The following ZFAND1 variants were observed in gnomAD, a reference collection of about 807,000 sequenced individuals.
The protein encoded by ZFAND1 is zinc finger AN1-type containing 1.
A neutral mutation model predicts 38.5 loss-of-function variants in ZFAND1; 40 were observed. That is an observed-to-expected ratio of 1.04 (90% CI 0.81 to 1.35). ZFAND1 has a LOEUF of 1.35. ZFAND1 is among the 40% of genes most tolerant of loss of function. The pLI is 0.00. For synonymous variants in ZFAND1, 117 were observed against 103.6 expected, an observed-to-expected ratio of 1.13 and a Z score of -0.78; for missense variants, 346 against 316.3, an observed-to-expected ratio of 1.09 and a Z score of -0.71.
intron 6 of ZFAND1, among the ~76,000 whole-genome samples, chr8:81,709,567 C>T (rs546837850): frequency 1.3e-5 from 2 of 152,042 alleles, no homozygotes; most frequent in South Asian, 2.1e-4. Flanking sequence ...GATATACACA[C>T]ACATATAACA....
intron 1 of ZFAND1, among the ~76,000 whole-genome samples, chr8:81,720,353 C>G (rs1293398069): frequency 6.6e-6 from 1 of 152,214 alleles, no homozygotes; most frequent in Non-Finnish European, 1.5e-5. Context: ...AACTAATTCT[C>G]TCTAAAATGC....
intron 6 of ZFAND1, among the ~76,000 whole-genome samples, chr8:81,711,398 C>A (rs1012507053): frequency 6.6e-6 from 1 of 152,038 alleles, no homozygotes; most frequent in Non-Finnish European, 1.5e-5. Context: ...GGCGACAGAG[C>A]AAGACTCTGT....
intron 1 of ZFAND1, among the ~76,000 whole-genome samples, chr8:81,719,356 A>ACACACACACACACACACAC (rs1563611539): frequency 1.8e-4 from 10 of 55,082 alleles, no homozygotes; most frequent in African/African-American, 7.4e-4. Flanking sequence ...CACACACACA[A>ACACACACACACACACACAC]ATTAGCTGGG....
At chr8:81,714,067 A>C in intron 5 of ZFAND1, 28 bp from the exon 6 acceptor site, 7 of 1,558,184 alleles carry the variant, frequency 4.5e-6, no homozygotes, top group Non-Finnish European at 6.0e-6. Context: ...GTAATCACAT[A>C]AAACTTTCAC....
chr8:81,718,038 G>T, intron 2 of ZFAND1, 144 bp downstream of exon 2: 1 of 533,800 alleles, frequency 1.9e-6, no homozygotes, highest in Non-Finnish European at 3.0e-6. Context: ...ATATGGAGAA[G>T]TAATCAGAGT....
rs541632338 is a variant in ZFAND1, at chr8:81,710,310, T to C, written c.480+3608A>G. Among the ~76,000 whole-genome samples the C allele has an allele frequency of 4.6e-5, 7 of 152,236 alleles. No homozygotes were observed. In the South Asian group the frequency reaches 1.0e-3, roughly 22 times the overall value. On this transcript the variant is annotated intron_variant, in intron 6 of 7. Transcript: ENST00000220669. ...CTCCATATGCATCTTTTGATAGTTA[T>C]ACTTGTTAAAAGCTTATACTACCTT...
intron 5 of ZFAND1, 27 bp downstream of exon 5, chr8:81,714,777 A>C: frequency 6.2e-7 from 1 of 1,605,266 alleles, no homozygotes; most frequent in Non-Finnish European, 8.5e-7. Context: ...CTAGGAAAGC[A>C]ACAAAACACG....
intron 6 of ZFAND1, among the ~76,000 whole-genome samples, chr8:81,712,854 T>G (rs966927551): frequency 6.6e-6 from 1 of 152,076 alleles, no homozygotes; most frequent in Non-Finnish European, 1.5e-5. Context: ...GGCAAAGTGA[T>G]CCTAAAATTT....
intron 6 of ZFAND1, among the ~76,000 whole-genome samples, chr8:81,711,283 A>C (rs1808134834): frequency 6.6e-6 from 1 of 151,980 alleles, no homozygotes; most frequent in Non-Finnish European, 1.5e-5. Context: ...GTGGTGGTGC[A>C]TGCCTGTAAT....
chr8:81,716,120 A>C (rs903783434), intron 3 of ZFAND1, among the ~76,000 whole-genome samples: 1 of 152,260 alleles, frequency 6.6e-6, no homozygotes, highest in Non-Finnish European at 1.5e-5. Flanking sequence ...ACTGAACCTC[A>C]TGTAACTTTA....
chr8:81,714,062 C>T (rs1808226256), intron 5 of ZFAND1, 23 bp from the exon 6 acceptor site: 1 of 1,564,722 alleles, frequency 6.4e-7, no homozygotes, highest in Non-Finnish European at 8.6e-7. Flanking sequence ...AGCATGTAAT[C>T]ACATAAAACT....
chr8:81,717,398 C>T lies in ZFAND1; in HGVS notation c.99-110G>A, dbSNP rs1808350312. On this transcript the variant is annotated intron_variant, in intron 2 of 7. Coordinates refer to ENST00000220669, the MANE Select transcript of ZFAND1 (RefSeq NM_024699.3). ...CTTAAGATACATTATGCTCATACTA[C>T]ATTAATAACTTTGAATATGAGAAAA... is the stretch of plus-strand genomic sequence containing the variant. 7.2e-6 allele frequency: 5 copies of T among 695,482 alleles called. No homozygotes were observed. In the South Asian group the frequency reaches 1.8e-4, roughly 26 times the overall value. 43.1% of individuals were successfully genotyped at this position (695,482 alleles called of 1,614,324 possible).
intron 3 of ZFAND1, among the ~76,000 whole-genome samples, chr8:81,716,805 G>C (rs1214783790): frequency 6.6e-6 from 1 of 152,078 alleles, no homozygotes; most frequent in Admixed American, 6.6e-5. Flanking sequence ...AAATTAGTCG[G>C]GCGTGGTGGC....
chr8:81,714,049 G>A lies in ZFAND1; in HGVS notation c.359-10C>T, dbSNP rs753764480. 5.5e-5 allele frequency: 87 copies of A among 1,590,512 alleles called. No homozygotes were observed. The highest frequency in any genetic ancestry group is 3.6e-5 in the Non-Finnish European group (42 of 1,171,986). On this transcript the variant is annotated splice_polypyrimidine_tract_variant and intron_variant, in intron 5 of 7. Transcript: ENST00000220669. Reference sequence around the variant, plus strand: ...TCTCCTGTCTTGGAATCTAAGAAGTGTAAGCATGTAATCACATAAAACTTT... The same window carrying A: ...TCTCCTGTCTTGGAATCTAAGAAGTATAAGCATGTAATCACATAAAACTTT...
chr8:81,712,749 A>G lies in ZFAND1; in HGVS notation c.480+1169T>C, dbSNP rs556127034. Among the ~76,000 whole-genome samples, 3 of 152,346 alleles carry G rather than the reference A, an allele frequency of 2.0e-5. No individual in the cohort carries two copies. In the East Asian group the frequency reaches 5.8e-4, roughly 29 times the overall value. On this transcript the variant is annotated intron_variant, in intron 6 of 7. Coordinates refer to ENST00000220669, the MANE Select transcript of ZFAND1 (RefSeq NM_024699.3). ...GAAAAGTTGGGAAGATATACCACAG[A>G]CATAGATGAGAAGAGTCAAAATTCT...
intron 6 of ZFAND1, chr8:81,708,660 A>T: frequency 1.5e-6 from 1 of 658,848 alleles, no homozygotes; most frequent in Non-Finnish European, 1.9e-6. Context: ...ATATCTTTTT[A>T]TAGCCACCAG....
At position 81,702,072 on chromosome 8, in the gene ZFAND1, T is replaced by A. The variant is rs548648013; in HGVS notation, c.*623A>T. 1 of 152,216 alleles carries A rather than the reference T, an allele frequency of 6.6e-6. No individual in the cohort carries two copies. Among genetic ancestry groups the A allele is most frequent in the East Asian group, 1.9e-4 (1 of 5,182 alleles). The allele number at this position is 152,216 out of a possible 1,614,324, so 9.4% of individuals were successfully genotyped here. A position where few individuals can be genotyped will look rare whatever the true frequency, so the allele number is the denominator to read the frequency against. Reference sequence around the variant, plus strand: ...ATCTAGTTAGGTAATAGAAAGAAAATCATTTTCTCCTCCTAGGCCTAAGAT... The same window carrying A: ...ATCTAGTTAGGTAATAGAAAGAAAAACATTTTCTCCTCCTAGGCCTAAGAT... On this transcript the variant is annotated 3_prime_UTR_variant, in exon 8 of 8. Coordinates refer to ENST00000220669, the MANE Select transcript of ZFAND1 (RefSeq NM_024699.3).
Position 81,713,930 on chromosome 8 carries a change from C to A in ZFAND1, c.468G>T (p.Lys156Asn), listed in dbSNP as rs1808218925. Residue 156 changes from lysine (K) to asparagine (N), a missense_variant, in exon 6 of 8, where the codon AAG becomes AAT. Coordinates refer to ENST00000220669, the MANE Select transcript of ZFAND1 (RefSeq NM_024699.3). ...CTCTAAGACCAACCTGTGGTAATGA[C>A]TTATCGCCATCAGCATGCATCTTTA... is the stretch of plus-strand genomic sequence containing the variant. ...MKLKMHADGD[K>N]SLPQTERIYF... 6.2e-7 allele frequency: 1 copy of A among 1,612,842 alleles called. No individual in the cohort carries two copies. Among genetic ancestry groups the A allele is most frequent in the African/African-American group, 1.3e-5 (1 of 74,856 alleles).
In ZFAND1 at chr8:81,701,372, T is replaced by C. The variant is rs551498277; in HGVS notation, c.*1323A>G. ...ATAAAGTATTTTTTTACTTAAAGTA[T>C]ATACATTTTTTAGACATAATGCTAT... On this transcript the variant is annotated 3_prime_UTR_variant, in exon 8 of 8. Transcript: ENST00000220669. 3.3e-5 allele frequency: 5 copies of C among 152,194 alleles called. No individual in the cohort carries two copies. Among genetic ancestry groups the C allele is most frequent in the Non-Finnish European group, 7.3e-5 (5 of 68,032 alleles). 9.4% of individuals were successfully genotyped at this position (152,194 alleles called of 1,614,324 possible).
Sources: gnomAD v4.1 joint callset for allele counts (sites outside exome capture counted in the v4.1 genomes callset) on GRCh38, gnomAD v4.1.1 for gene constraint, MANE v1.5 for transcripts, NCBI Gene and HGNC (gene_info 2026-07-23, HGNC 2026-07-21) for gene names.